The following ILRUN variants were observed in gnomAD, a reference collection of about 807,000 sequenced individuals.
ILRUN encodes the protein inflammation and lipid regulator with UBA-like and NBR1-like domains.
In ILRUN, 3 loss-of-function variants were observed where a neutral mutation model predicts 33.8. That is an observed-to-expected ratio of 0.09 (90% CI 0.04 to 0.23). ILRUN has a LOEUF of 0.23. Ranked by LOEUF, ILRUN falls within the 10% of genes least tolerant of loss-of-function variation. ILRUN has a pLI of 1.00. For synonymous variants in ILRUN, 124 were observed against 138.9 expected (o/e 0.89, Z 0.75); for missense variants, 210 against 375.1 (o/e 0.56, Z 3.64).
At chr6:34,597,164 C>G (rs1761419041) in intron 4 of ILRUN, among the ~76,000 whole-genome samples, 1 of 152,182 alleles carries the variant, frequency 6.6e-6, no homozygotes, top group Non-Finnish European at 1.5e-5. Flanking sequence ...TGAATGAAAA[C>G]ACATTATTCA....
Position 34,646,170 on chromosome 6 carries a change from G to A in ILRUN, c.511+431C>T, listed in dbSNP as rs1169917768. On this transcript the variant is annotated intron_variant, in intron 3 of 4. Transcript: ENST00000374023. The surrounding 1 kb of genome is among the most constrained non-coding windows in gnomAD (Gnocchi z 4.9). ...GTGAGTATAGATCACTGCTCAAAACGTTTGGCAATAAAGAGAAGGGAGTGA... is the reference window on the plus strand; with the variant it reads ...GTGAGTATAGATCACTGCTCAAAACATTTGGCAATAAAGAGAAGGGAGTGA... 5.9e-5 allele frequency among the ~76,000 whole-genome samples: 9 copies of A among 152,270 alleles called. No individual in the cohort carries two copies. In the East Asian group the frequency reaches 1.7e-3, roughly 29 times the overall value.
chr6:34,614,439 A>ATATATATAT (rs1478401653), intron 3 of ILRUN, among the ~76,000 whole-genome samples: 3 of 122,540 alleles, frequency 2.4e-5, no homozygotes, highest in East Asian at 2.2e-4. Context: ...AATAAAAAAA[A>ATATATATAT]AAAAATATAT....
intron 4 of ILRUN, among the ~76,000 whole-genome samples, chr6:34,596,944 T>C (rs952679757): frequency 6.6e-6 from 1 of 152,008 alleles, no homozygotes; most frequent in African/African-American, 2.4e-5. Context: ...CCTTCACCCA[T>C]TCATCCAACC....
chr6:34,606,192 T>C (rs1468780791), intron 4 of ILRUN, among the ~76,000 whole-genome samples: 6 of 152,100 alleles, frequency 3.9e-5, no homozygotes, highest in Non-Finnish European at 8.8e-5. Context: ...CAACAAGACA[T>C]GCAAACAGGG....
At chr6:34,658,347 CAA>C (rs35618991) in intron 1 of ILRUN, among the ~76,000 whole-genome samples, 23 of 105,174 alleles carry the variant, frequency 2.2e-4, no homozygotes, top group Non-Finnish European at 2.5e-4. Flanking sequence ...GACTCTGTCT[CAA>C]AAAAAAAAAA....
At chr6:34,612,495 C>T (rs1334706525) in intron 3 of ILRUN, among the ~76,000 whole-genome samples, 1 of 152,186 alleles carries the variant, frequency 6.6e-6, no homozygotes, top group Non-Finnish European at 1.5e-5. Context: ...TCTCATTCAA[C>T]TTGTCCCTTT....
chr6:34,644,851 G>A (rs1317285250), intron 3 of ILRUN, among the ~76,000 whole-genome samples: 5 of 152,042 alleles, frequency 3.3e-5, no homozygotes, highest in African/African-American at 1.2e-4. Flanking sequence ...GATATTTCAG[G>A]CAATGAGACA....
chr6:34,680,119 T>C (rs1445595577), intron 1 of ILRUN, among the ~76,000 whole-genome samples: 4 of 152,400 alleles, frequency 2.6e-5, no homozygotes, highest in East Asian at 1.9e-4. Flanking sequence ...AGGCTACTTA[T>C]GTTTGAATTC....
intron 1 of ILRUN, among the ~76,000 whole-genome samples, chr6:34,665,710 T>C (rs1284002635): frequency 6.6e-6 from 1 of 152,050 alleles, no homozygotes; most frequent in Non-Finnish European, 1.5e-5. Flanking sequence ...ATTACAAGTA[T>C]GAGCCACCAC....
intron 4 of ILRUN, among the ~76,000 whole-genome samples, chr6:34,593,982 G>A (rs1374649346): frequency 2.0e-5 from 3 of 152,142 alleles, no homozygotes; most frequent in Non-Finnish European, 2.9e-5. Flanking sequence ...CAAACCGGGA[G>A]GCCCATCCAC....
chr6:34,622,280 GC>G (rs1168610574), intron 3 of ILRUN, among the ~76,000 whole-genome samples: 5 of 151,982 alleles, frequency 3.3e-5, no homozygotes, highest in African/African-American at 4.8e-5. Flanking sequence ...AGAGTAAAAG[GC>G]TACCCATGGA....
rs574594573 is a variant in ILRUN at position 34,613,749 on chromosome 6, C to A, written c.512-6845G>T. On this transcript the variant is annotated intron_variant, in intron 3 of 4. Transcript: ENST00000374023. ...AGAAATACGGAATCAGTTGTAGATA[C>A]GTCCATATACAAAAGTTGGTGTGCA... Among the ~76,000 whole-genome samples the A allele has an allele frequency of 3.3e-5, 5 of 152,302 alleles. No individual in the cohort carries two copies. The South Asian group carries it at 6.2e-4, about 19-fold the overall frequency.
At chr6:34,650,407 T>TTTATTTA (rs1762638704) in intron 2 of ILRUN, among the ~76,000 whole-genome samples, 2 of 141,440 alleles carry the variant, frequency 1.4e-5, no homozygotes, top group African/African-American at 5.1e-5. Context: ...ATTTATTTAT[T>TTTATTTA]TTTATTTATT....
At chr6:34,612,932 A>G (rs1395955628) in intron 3 of ILRUN, among the ~76,000 whole-genome samples, 1 of 152,046 alleles carries the variant, frequency 6.6e-6, no homozygotes. Context: ...AGTCCCAGCT[A>G]CTCAGGAGGC....
intron 3 of ILRUN, among the ~76,000 whole-genome samples, chr6:34,617,440 G>A (rs1052888419): frequency 3.3e-5 from 5 of 152,140 alleles, no homozygotes; most frequent in Non-Finnish European, 1.5e-5. Flanking sequence ...TTGTCCCGGT[G>A]CTGATCTGTC....
chr6:34,683,920 C>T (rs1257292450), intron 1 of ILRUN, among the ~76,000 whole-genome samples: 2 of 151,736 alleles, frequency 1.3e-5, no homozygotes, highest in Non-Finnish European at 1.5e-5. Flanking sequence ...AAAACATAAC[C>T]GGCCATGGTG....
rs1562032912 is a variant in ILRUN, at chr6:34,683,443, T to TATATATAC, written c.158+13002_158+13003insGTATATAT. Among the ~76,000 whole-genome samples, 202 of 73,236 alleles carry TATATATAC rather than the reference T, an allele frequency of 2.8e-3. 1 individual carries two copies. The highest frequency in any genetic ancestry group is 0.012 in the East Asian group (19 of 1,604). 48.0% of individuals were successfully genotyped at this position (73,236 alleles called of 152,430 possible). On this transcript the variant is annotated intron_variant, in intron 1 of 4. Transcript: ENST00000374023. ...ACATATATATACATATATATATACA[T>TATATATAC]ATATATATACATATATATACATATA... is the stretch of plus-strand genomic sequence containing the variant.
intron 1 of ILRUN, among the ~76,000 whole-genome samples, chr6:34,668,413 C>G (rs1019931130): frequency 5.9e-5 from 9 of 152,168 alleles, no homozygotes; most frequent in African/African-American, 2.2e-4. Flanking sequence ...ATCCTAATGT[C>G]TCAAAATAGT....
chr6:34,633,897 G>T, intron 3 of ILRUN, among the ~76,000 whole-genome samples: 1 of 109,484 alleles, frequency 9.1e-6, no homozygotes, highest in Non-Finnish European at 1.9e-5. Context: ...GGGAGGGAGG[G>T]AGGGAGGGAG....
Sources: gnomAD v4.1 joint callset for allele counts (sites outside exome capture counted in the v4.1 genomes callset) on GRCh38, gnomAD v4.1.1 for gene constraint, Gnocchi (gnomAD v3.1) non-coding constraint, MANE v1.5 for transcripts, NCBI Gene and HGNC (gene_info 2026-07-23, HGNC 2026-07-21) for gene names.